The following ANKHD1 variants were observed in gnomAD, a reference collection of about 807,000 sequenced individuals.
ANKHD1 encodes ankyrin repeat and KH domain containing 1.
ANKHD1 carries 31 observed loss-of-function variants against 230.5 expected under a neutral mutation model. The ratio of observed to expected loss-of-function variants is 0.13; its 90% CI spans 0.10 to 0.18. The LOEUF is 0.18. ANKHD1 is among the 10% of genes least tolerant of loss of function. ANKHD1 has a pLI of 1.00. For missense variants in ANKHD1, 2,256 were observed against 3,071.3 expected (o/e 0.73, Z 6.27); for synonymous variants, 1,074 against 1,117.6 (o/e 0.96, Z 0.78).
chr5:140,427,631 C>T (rs1239409560), intron 1 of ANKHD1, among the ~76,000 whole-genome samples: 1 of 147,370 alleles, frequency 6.8e-6, no homozygotes, highest in Non-Finnish European at 1.5e-5. Flanking sequence ...GACGGGGCGG[C>T]TGGCCGGGCG....
At chr5:140,536,904 C>T (rs1206360290) in intron 30 of ANKHD1, 1 of 152,442 alleles carries the variant, frequency 6.6e-6, no homozygotes, top group Non-Finnish European at 1.5e-5. Context: ...GCCTGTAATC[C>T]TAGCTACCCG....
At chr5:140,415,872 T>G (rs1771333986) in intron 1 of ANKHD1, among the ~76,000 whole-genome samples, 1 of 152,174 alleles carries the variant, frequency 6.6e-6, no homozygotes. Context: ...TGTGCCATGT[T>G]GGTGTGCTGT....
intron 24 of ANKHD1, among the ~76,000 whole-genome samples, chr5:140,519,685 C>G (rs1363087624): frequency 2.0e-5 from 3 of 152,112 alleles, no homozygotes; most frequent in African/African-American, 7.2e-5. Context: ...GGAAAGGATT[C>G]CCTATTTAAT....
rs1414624661 is a variant in ANKHD1, at chr5:140,512,932, A to G, written c.4200+9A>G. On this transcript the variant is annotated intron_variant, in intron 23 of 33. Coordinates refer to ENST00000360839, the MANE Select transcript of ANKHD1 (RefSeq NM_017747.3). ...CAACAATTACAGATAAGGTAAGTTT[A>G]ATATGCTACTGAAGCACATTTTTGT... 6.3e-7 allele frequency: 1 copy of G among 1,587,400 alleles called. No homozygotes were observed. Among genetic ancestry groups the G allele is most frequent in the South Asian group, 1.2e-5 (1 of 85,520 alleles).
chr5:140,415,439 C>CTTT (rs1293254094), intron 1 of ANKHD1, among the ~76,000 whole-genome samples: 2 of 136,378 alleles, frequency 1.5e-5, no homozygotes, highest in African/African-American at 5.4e-5. Flanking sequence ...TTTGATACCT[C>CTTT]TTTTTTTTTT....
intron 29 of ANKHD1, chr5:140,531,299 G>A (rs1248470718): frequency 7.5e-5 from 32 of 424,814 alleles, no homozygotes; most frequent in Non-Finnish European, 1.4e-4. Context: ...TAGTAATACC[G>A]ACTGAGCGTG....
At chr5:140,476,917 TTTG>T (rs569034615) in intron 10 of ANKHD1, among the ~76,000 whole-genome samples, 4 of 152,088 alleles carry the variant, frequency 2.6e-5, no homozygotes, top group Admixed American at 6.5e-5. Flanking sequence ...GCTAGAGTCT[TTTG>T]TTGTTGTTCA....
rs1554092037 is a variant in ANKHD1, at chr5:140,500,665, A to AGAAAAG, written c.3004+3387_3004+3388insGAAAAG. ...CTCTGTCTCAAAAAAAAAAAAAAAAAAAAAGAAAAGAAAAACTGAAGCTTA... is the reference window on the plus strand; with the variant it reads ...CTCTGTCTCAAAAAAAAAAAAAAAAAGAAAAGAAAAGAAAAGAAAAACTGAAGCTTA... On this transcript the variant is annotated intron_variant, in intron 15 of 33. Coordinates refer to ENST00000360839, the MANE Select transcript of ANKHD1 (RefSeq NM_017747.3). Among the ~76,000 whole-genome samples the AGAAAAG allele has an allele frequency of 1.3e-3, 149 of 115,516 alleles. 1 individual carries two copies. Among genetic ancestry groups the AGAAAAG allele is most frequent in the East Asian group, 5.0e-3 (18 of 3,570 alleles). 75.8% of individuals were successfully genotyped at this position (115,516 alleles called of 152,430 possible).
At chr5:140,478,205 G>T (rs1399070493) in intron 10 of ANKHD1, among the ~76,000 whole-genome samples, 1 of 151,918 alleles carries the variant, frequency 6.6e-6, no homozygotes, top group Non-Finnish European at 1.5e-5. Flanking sequence ...TTGCCCAAAT[G>T]TAGGGAAAAA....
intron 1 of ANKHD1, among the ~76,000 whole-genome samples, chr5:140,410,775 A>G (rs1404835823): frequency 6.6e-6 from 1 of 152,150 alleles, no homozygotes; most frequent in African/African-American, 2.4e-5. Context: ...AATGCTTATT[A>G]TATACCAGTA....
At chr5:140,428,873 C>T in intron 1 of ANKHD1, among the ~76,000 whole-genome samples, 1 of 151,832 alleles carries the variant, frequency 6.6e-6, no homozygotes, top group South Asian at 2.1e-4. Context: ...ACCTCTGCTG[C>T]CTGGGTTCAA....
intron 24 of ANKHD1, among the ~76,000 whole-genome samples, chr5:140,522,920 G>C (rs897874898): frequency 1.3e-5 from 2 of 151,996 alleles, no homozygotes; most frequent in African/African-American, 2.4e-5. Context: ...GATGGCTAAT[G>C]ATATTGAACA....
At chr5:140,442,052 T>C (rs2126923814) in intron 5 of ANKHD1, among the ~76,000 whole-genome samples, 1 of 143,306 alleles carries the variant, frequency 7.0e-6, no homozygotes, top group South Asian at 2.3e-4. Flanking sequence ...TTTTTTTTTT[T>C]TTTTTGAGAT....
chr5:140,464,552 A>G (rs962602721), intron 9 of ANKHD1, 115 bp from the exon 10 acceptor site: 4 of 885,240 alleles, frequency 4.5e-6, no homozygotes, highest in Non-Finnish European at 6.4e-6. Flanking sequence ...TATACTTAAA[A>G]TGCATTTTGA....
intron 14 of ANKHD1, among the ~76,000 whole-genome samples, chr5:140,492,366 A>G (rs868112857): frequency 2.0e-5 from 3 of 152,194 alleles, no homozygotes; most frequent in South Asian, 2.1e-4. Context: ...AGTGATTGCT[A>G]TGTTAAAATG....
chr5:140,527,531 T>A lies in ANKHD1; in HGVS notation c.5088-342T>A, dbSNP rs1753659411. On this transcript the variant is annotated intron_variant, in intron 27 of 33. Coordinates refer to ENST00000360839, the MANE Select transcript of ANKHD1 (RefSeq NM_017747.3). This position sits in a 1 kb window ranked among gnomAD's most constrained non-coding sequence, Gnocchi z 4.5. The stretch of plus-strand genomic sequence containing the variant: ...GTGGATTTTAATAATATGGTATTCA[T>A]TATTTTAACAGGGTCATTGCAGTTT... 4.7e-6 allele frequency: 1 copy of A among 211,618 alleles called. No homozygotes were observed. The highest frequency in any genetic ancestry group is 9.4e-6 in the Non-Finnish European group (1 of 106,428). 13.1% of individuals were successfully genotyped at this position (211,618 alleles called of 1,614,324 possible). A position where few individuals can be genotyped will look rare whatever the true frequency, so the allele number is the denominator to read the frequency against.
chr5:140,538,312 T>G (rs1754166210), intron 32 of ANKHD1, 51 bp downstream of exon 32: 1 of 1,600,224 alleles, frequency 6.2e-7, no homozygotes, highest in Non-Finnish European at 8.5e-7. Context: ...TCAGCCAATG[T>G]AGTCACATTA....
intron 29 of ANKHD1, among the ~76,000 whole-genome samples, chr5:140,530,063 A>G (rs1581379729): frequency 6.6e-6 from 1 of 152,112 alleles, no homozygotes; most frequent in African/African-American, 2.4e-5. Flanking sequence ...AAAAAAAATC[A>G]TAGTGATTGT....
chr5:140,433,561 T>A (rs1040317455), intron 1 of ANKHD1, among the ~76,000 whole-genome samples: 4 of 152,206 alleles, frequency 2.6e-5, no homozygotes, highest in African/African-American at 9.7e-5. Context: ...GTGCATATAG[T>A]TGTATCATTT....
Sources: allele counts gnomAD v4.1 joint callset (sites outside exome capture counted in the v4.1 genomes callset), GRCh38; gene constraint gnomAD v4.1.1; non-coding constraint Gnocchi (gnomAD v3.1); transcripts MANE v1.5; gene names NCBI Gene and HGNC (gene_info 2026-07-23, HGNC 2026-07-21).